The following THRB variants were observed in gnomAD, a reference collection of about 807,000 sequenced individuals.
The protein encoded by THRB is nuclear receptor subfamily 1 group A member 2.
THRB carries 12 observed loss-of-function variants against 47.8 expected under a neutral mutation model. The ratio of observed to expected loss-of-function variants is 0.25; its 90% confidence interval spans 0.16 to 0.41. The LOEUF (loss-of-function observed/expected upper bound fraction) is 0.41, where lower values mean the gene tolerates loss of function less well. THRB is among the 10% of genes least tolerant of loss of function. THRB has a pLI of 1.00. For missense variants in THRB, 348 were observed against 589.2 expected, an observed-to-expected ratio of 0.59 and a Z score of 4.24; for synonymous variants, 218 against 212.2, an observed-to-expected ratio of 1.03 and a Z score of -0.24.
At chr3:24,221,621 G>C (rs1054309270) in intron 4 of THRB, among the ~76,000 whole-genome samples, 1 of 152,144 alleles carries the variant, frequency 6.6e-6, no homozygotes, top group Admixed American at 6.5e-5. Context: ...GTGACTTCTA[G>C]GAAGAATACA....
At chr3:24,276,637 A>T (rs1293756653) in intron 3 of THRB, among the ~76,000 whole-genome samples, 1 of 152,232 alleles carries the variant, frequency 6.6e-6, no homozygotes, top group African/African-American at 2.4e-5. Context: ...TATTACCACA[A>T]TGTGCAAGGC....
chr3:24,477,156 C>T (rs36039770), intron 1 of THRB, among the ~76,000 whole-genome samples: 45,210 of 150,696 alleles, frequency 0.3, 6,797 homozygotes, highest in South Asian at 0.36. Context: ...GTTTCAAATA[C>T]ATTTGATATA....
At chr3:24,412,907 A>C (rs2068428730) in intron 1 of THRB, among the ~76,000 whole-genome samples, 2 of 151,886 alleles carry the variant, frequency 1.3e-5, no homozygotes, top group South Asian at 4.1e-4. Context: ...AAAATATGTG[A>C]GAAAAAAATC....
At chr3:24,162,908 T>A (rs562028770) in intron 5 of THRB, among the ~76,000 whole-genome samples, 1 of 152,034 alleles carries the variant, frequency 6.6e-6, no homozygotes, top group East Asian at 1.9e-4. Context: ...CTTAAAAAAA[T>A]AAAGAAAAAG....
At chr3:24,463,469 T>TG (rs2073872199) in intron 1 of THRB, among the ~76,000 whole-genome samples, 1 of 152,166 alleles carries the variant, frequency 6.6e-6, no homozygotes, top group Non-Finnish European at 1.5e-5. Flanking sequence ...AGGGTCTTCC[T>TG]GTGTTGCCCA....
intron 3 of THRB, among the ~76,000 whole-genome samples, chr3:24,238,974 C>T (rs989638931): frequency 6.7e-6 from 1 of 149,514 alleles, no homozygotes; most frequent in East Asian, 1.9e-4. Context: ...CAGAGTCTTG[C>T]TCTGTCACCC....
intron 1 of THRB, among the ~76,000 whole-genome samples, chr3:24,443,795 C>T (rs1394889979): frequency 6.6e-6 from 1 of 152,088 alleles, no homozygotes; most frequent in Non-Finnish European, 1.5e-5. Context: ...TCATAATATC[C>T]TCACAAGATA....
intron 1 of THRB, among the ~76,000 whole-genome samples, chr3:24,393,132 T>G (rs1475623354): frequency 2.0e-5 from 3 of 152,148 alleles, no homozygotes; most frequent in Non-Finnish European, 2.9e-5. Flanking sequence ...TGTCACTAAT[T>G]GAATCTATAC....
At chr3:24,171,422 T>C (rs998370179) in intron 5 of THRB, among the ~76,000 whole-genome samples, 1 of 152,182 alleles carries the variant, frequency 6.6e-6, no homozygotes, top group Non-Finnish European at 1.5e-5. Context: ...GGAACACTTA[T>C]GGAGGCTGAG....
intron 3 of THRB, among the ~76,000 whole-genome samples, chr3:24,274,156 ATTAT>A (rs1482778921): frequency 6.6e-6 from 1 of 151,940 alleles, no homozygotes; most frequent in East Asian, 1.9e-4. Flanking sequence ...CATCTGCCCT[ATTAT>A]TTATTATACT....
At chr3:24,209,821 T>TA (rs1002094830) in intron 4 of THRB, among the ~76,000 whole-genome samples, 65 of 151,068 alleles carry the variant, frequency 4.3e-4, no homozygotes, top group Middle Eastern at 3.4e-3. Flanking sequence ...CTTAAAATAT[T>TA]AAAAAAAAAT....
intron 8 of THRB, among the ~76,000 whole-genome samples, chr3:24,139,198 A>G (rs1456166387): frequency 6.6e-6 from 1 of 152,206 alleles, no homozygotes; most frequent in African/African-American, 2.4e-5. Context: ...AGAAAATTAT[A>G]TGATTTAAAT....
At chr3:24,486,196 G>A (rs1697263238) in intron 1 of THRB, among the ~76,000 whole-genome samples, 1 of 152,046 alleles carries the variant, frequency 6.6e-6, no homozygotes, top group African/African-American at 2.4e-5. Flanking sequence ...TAATATATAC[G>A]ACAGCCCTCC....
At chr3:24,140,898 T>C (rs1353309321) in intron 8 of THRB, among the ~76,000 whole-genome samples, 1 of 152,218 alleles carries the variant, frequency 6.6e-6, no homozygotes, top group Non-Finnish European at 1.5e-5. Flanking sequence ...GGAGGCTGAA[T>C]GGAACATTGT....
intron 1 of THRB, among the ~76,000 whole-genome samples, chr3:24,374,247 T>C (rs2065122625): frequency 6.6e-6 from 1 of 152,054 alleles, no homozygotes; most frequent in African/African-American, 2.4e-5. Flanking sequence ...TCAGAACCAA[T>C]ATTAAGTACT....
At chr3:24,266,528 C>T (rs1049504527) in intron 3 of THRB, among the ~76,000 whole-genome samples, 2 of 152,122 alleles carry the variant, frequency 1.3e-5, no homozygotes, top group Non-Finnish European at 2.9e-5. Context: ...AGTCATGAAA[C>T]CTTGGCAGAG....
intron 1 of THRB, among the ~76,000 whole-genome samples, chr3:24,337,795 A>T (rs1378704691): frequency 6.6e-6 from 1 of 152,208 alleles, no homozygotes; most frequent in East Asian, 1.9e-4. Flanking sequence ...CTCAACATAT[A>T]AGAGCTGCAA....
intron 1 of THRB, among the ~76,000 whole-genome samples, chr3:24,433,827 T>G (rs760314507): frequency 6.6e-6 from 1 of 152,166 alleles, no homozygotes; most frequent in Non-Finnish European, 1.5e-5. Flanking sequence ...TGATACTCCA[T>G]GTACATTAAT....
chr3:24,478,747 A>C (rs1181822536), intron 1 of THRB, among the ~76,000 whole-genome samples: 2 of 152,122 alleles, frequency 1.3e-5, no homozygotes, highest in African/African-American at 4.8e-5. Context: ...CGGATTTGGA[A>C]ACATCTCCCC....
Sources: allele counts gnomAD v4.1 joint callset (sites outside exome capture counted in the v4.1 genomes callset), GRCh38; gene constraint gnomAD v4.1.1; transcripts MANE v1.5; gene names NCBI Gene and HGNC (gene_info 2026-07-23, HGNC 2026-07-21).